Variants in ANKRD26 observed in about 807,000 individuals in gnomAD.
ANKRD26 encodes the protein ankyrin repeat domain-containing protein 26.
In ANKRD26, 141 loss-of-function variants were observed where a neutral mutation model predicts 208.7. That is an observed-to-expected ratio of 0.68 (90% CI 0.59 to 0.78). The LOEUF (loss-of-function observed/expected upper bound fraction) is 0.78. Among genes scored for constraint, ANKRD26 ranks in the 30% least tolerant of loss-of-function variants. The pLI is 0.00. For synonymous variants in ANKRD26, 636 were observed against 660.4 expected, an observed-to-expected ratio of 0.96 and a Z score of 0.57; for missense variants, 1,889 against 1,938.7, an observed-to-expected ratio of 0.97 and a Z score of 0.48.
chr10:27,088,435 G>A (rs1418446439), intron 4 of ANKRD26: 4 of 152,134 alleles, frequency 2.6e-5, no homozygotes, highest in African/African-American at 7.2e-5. Flanking sequence ...CACAAAACCC[G>A]ACTTTTATAC....
At chr10:27,000,587 C>T (rs1311257471), downstream of ANKRD26, among the ~76,000 whole-genome samples, 1 of 152,098 alleles carries the variant, frequency 6.6e-6, no homozygotes, top group Non-Finnish European at 1.5e-5. Flanking sequence ...ACATAAAATA[C>T]AGATTTTACT....
chr10:26,958,073 T>TTATATATATATATATATATATA, the ANKRD26 span, among the ~76,000 whole-genome samples: 82 of 144,202 alleles, frequency 5.7e-4, no homozygotes, highest in African/African-American at 1.5e-3. Context: ...TCACCCAGTT[T>TTATATATATATATATATATATA]TATATATATA....
At chr10:27,042,446 G>A (rs1236984065) in intron 20 of ANKRD26, among the ~76,000 whole-genome samples, 4 of 151,610 alleles carry the variant, frequency 2.6e-5, no homozygotes, top group African/African-American at 4.8e-5. Context: ...ATGAAACCCC[G>A]CCTCTATTAA....
intron 30 of ANKRD26, among the ~76,000 whole-genome samples, chr10:27,016,528 C>T (rs1273893126): frequency 2.0e-5 from 3 of 151,038 alleles, no homozygotes; most frequent in Admixed American, 6.6e-5. Flanking sequence ...CCGTCCACCT[C>T]GGCTTCCCAA....
At chr10:27,012,838 A>G (rs1280615819) in intron 32 of ANKRD26, 44 bp downstream of exon 32, 3 of 1,556,798 alleles carry the variant, frequency 1.9e-6, no homozygotes, top group Non-Finnish European at 2.7e-6. Flanking sequence ...AAAGAATTAC[A>G]TGAGAAATTT....
chr10:27,082,726 A>G, intron 6 of ANKRD26, 77 bp downstream of exon 6: 5 of 1,509,848 alleles, frequency 3.3e-6, no homozygotes, highest in Non-Finnish European at 4.4e-6. Flanking sequence ...TATGGTGTCT[A>G]CCCAGAGTAG....
intron 9 of ANKRD26, among the ~76,000 whole-genome samples, chr10:27,075,499 T>C (rs568827506): frequency 1.2e-4 from 18 of 152,194 alleles, no homozygotes; most frequent in Admixed American, 3.3e-4. Flanking sequence ...TAGATAAAAA[T>C]TGTCACTATA....
intron 25 of ANKRD26, chr10:27,030,289 G>A (rs1054175334): frequency 6.3e-6 from 5 of 795,156 alleles, no homozygotes; most frequent in Admixed American, 6.2e-5. Flanking sequence ...CCACTAAGCC[G>A]ACAGTACTTT....
In ANKRD26 at chr10:27,044,355, T is replaced by C. The variant is rs7091830; in HGVS notation, c.1986-165A>G. ...ACAGGTAATATAAAAGATAATAACT[T>C]TCTACAAGGGGTATTAAACTATATA... is the stretch of plus-strand genomic sequence containing the variant. On this transcript the variant is annotated intron_variant, in intron 18 of 33. Coordinates refer to ENST00000376087, the MANE Select transcript of ANKRD26 (RefSeq NM_014915.3). Among the ~76,000 whole-genome samples, 40,221 of 151,954 alleles carry C rather than the reference T, an allele frequency of 0.26. 6,508 individuals are homozygous for C. The highest frequency in any genetic ancestry group is 0.35 in the Non-Finnish European group (23,903 of 67,928).
chr10:26,986,785 T>A (rs1357061252), intron 3 of ANKRD26, among the ~76,000 whole-genome samples: 1 of 152,236 alleles, frequency 6.6e-6, no homozygotes, highest in Non-Finnish European at 1.5e-5. Context: ...AAACAGCAGG[T>A]GCTGGAGAGG....
intron 20 of ANKRD26, among the ~76,000 whole-genome samples, chr10:27,042,788 C>CAAAA (rs1275962995): frequency 1.9e-5 from 1 of 53,652 alleles, no homozygotes. Context: ...AAAAAACAAA[C>CAAAA]AAAAAAATAC....
At chr10:26,971,591 G>A (rs1236318470), downstream of ANKRD26, among the ~76,000 whole-genome samples, 1 of 148,048 alleles carries the variant, frequency 6.8e-6, no homozygotes, top group East Asian at 2.0e-4. Flanking sequence ...CAGGAGAATC[G>A]CTTGAACTCA....
chr10:27,033,191 A>G, intron 25 of ANKRD26, 34 bp downstream of exon 25: 1 of 1,549,376 alleles, frequency 6.5e-7, no homozygotes, highest in Non-Finnish European at 8.9e-7. Context: ...CCAGTTATAG[A>G]TTAACTGTTT....
chr10:26,956,502 C>T, the ANKRD26 span, among the ~76,000 whole-genome samples: 7 of 152,088 alleles, frequency 4.6e-5, no homozygotes, highest in Non-Finnish European at 7.3e-5. Flanking sequence ...CACAGTAGCT[C>T]ACTTCTGTAA....
intron 15 of ANKRD26, among the ~76,000 whole-genome samples, chr10:27,056,768 A>G (rs2054854232): frequency 1.3e-5 from 2 of 152,202 alleles, no homozygotes; most frequent in South Asian, 2.1e-4. Context: ...CAAGAACAAA[A>G]TTCTGTCTCA....
At chr10:26,987,298 G>A (rs144210142), downstream of ANKRD26, among the ~76,000 whole-genome samples, 251 of 152,196 alleles carry the variant, frequency 1.6e-3, no homozygotes, top group Middle Eastern at 6.8e-3. Flanking sequence ...GGGTATGGGG[G>A]ATGGATAGCA....
intron 32 of ANKRD26, among the ~76,000 whole-genome samples, chr10:27,008,978 T>C (rs977878822): frequency 7.9e-5 from 12 of 152,214 alleles, no homozygotes; most frequent in Admixed American, 5.2e-4. Context: ...TAGCTGGGAC[T>C]ACAGGCGCGC....
intron 9 of ANKRD26, among the ~76,000 whole-genome samples, chr10:27,071,437 G>A (rs903784192): frequency 6.6e-6 from 1 of 151,688 alleles, no homozygotes; most frequent in Non-Finnish European, 1.5e-5. Flanking sequence ...GCTTGCCAAA[G>A]TGCTGGGATT....
chr10:27,094,379 G>A (rs1236775678), intron 1 of ANKRD26, among the ~76,000 whole-genome samples: 3 of 152,126 alleles, frequency 2.0e-5, no homozygotes, highest in Non-Finnish European at 4.4e-5. Context: ...CCACATTAAT[G>A]AAAGAGCAAC....
Sources: gnomAD v4.1 joint callset for allele counts (sites outside exome capture counted in the v4.1 genomes callset) on GRCh38, gnomAD v4.1.1 for gene constraint, MANE v1.5 for transcripts, NCBI Gene and HGNC (gene_info 2026-07-23, HGNC 2026-07-21) for gene names.